Variants in OTOF observed in about 807,000 individuals in gnomAD.
OTOF encodes the protein otoferlin, also known as fer-1-like family member 2.
A neutral mutation model predicts 236.8 loss-of-function variants in OTOF; 218 were observed. The ratio of observed to expected loss-of-function variants is 0.92; its 90% CI spans 0.82 to 1.03. The LOEUF is 1.03. Among genes scored for constraint, OTOF ranks in the 50% least tolerant of loss-of-function variants. The pLI, the probability that OTOF is intolerant of heterozygous loss-of-function variation, is 0.00. For missense variants in OTOF, 2,590 were observed against 2,694.4 expected, an observed-to-expected ratio of 0.96 and a Z score of 0.86; for synonymous variants, 1,041 against 1,072.5, an observed-to-expected ratio of 0.97 and a Z score of 0.57.
chr2:26,539,117 GTAC>G (rs1164496651), intron 1 of OTOF, among the ~76,000 whole-genome samples: 1 of 151,940 alleles, frequency 6.6e-6, no homozygotes, highest in Non-Finnish European at 1.5e-5. Flanking sequence ...CAGGCCTCCA[GTAC>G]AACACCATTC....
At position 26,477,591 on chromosome 2, in the gene OTOF, G is replaced by A. The variant is rs1354349986; in HGVS notation, c.2315+58C>T. On this transcript the variant is annotated intron_variant, in intron 19 of 46. Coordinates refer to ENST00000272371, the MANE Select transcript of OTOF (RefSeq NM_194248.3). This position sits in a 1 kb window ranked among gnomAD's most constrained non-coding sequence, Gnocchi z 4.7. ...TCCTCATCTGCCCAGCCCTGGCAGG[G>A]TCCCCTTTGTCCAGTTCCGCCTCAT... The A allele has an allele frequency of 1.2e-6, 2 of 1,604,068 alleles. No homozygotes were observed. Among genetic ancestry groups the A allele is most frequent in the Admixed American group, 3.4e-5 (2 of 59,302 alleles).
At chr2:26,478,365 G>A (rs1342114686) in intron 18 of OTOF, among the ~76,000 whole-genome samples, 1 of 152,214 alleles carries the variant, frequency 6.6e-6, no homozygotes, top group African/African-American at 2.4e-5. Context: ...ATTGGCAGGG[G>A]GCTGGGAGCA....
intron 1 of OTOF, among the ~76,000 whole-genome samples, chr2:26,552,984 A>T (rs1667500611): frequency 6.6e-6 from 1 of 152,334 alleles, no homozygotes; most frequent in African/African-American, 2.4e-5. Context: ...TGCACTGGGT[A>T]TTCTGCCTCC....
chr2:26,540,525 A>G (rs1181228298), intron 1 of OTOF, among the ~76,000 whole-genome samples: 1 of 152,144 alleles, frequency 6.6e-6, no homozygotes, highest in Non-Finnish European at 1.5e-5. Context: ...TCCCTCCGGG[A>G]ACTGACCTCT....
intron 24 of OTOF, 92 bp downstream of exon 24, chr2:26,475,822 G>T: frequency 6.7e-7 from 1 of 1,497,184 alleles, no homozygotes; most frequent in Non-Finnish European, 9.0e-7. Flanking sequence ...AGGCCCCACA[G>T]GCTCACAGGC....
At chr2:26,463,388 T>C (rs1020264943) in intron 41 of OTOF, 95 bp downstream of exon 41, 8 of 1,059,088 alleles carry the variant, frequency 7.6e-6, no homozygotes, top group Non-Finnish European at 1.1e-5. Flanking sequence ...GCCAAGGCCA[T>C]CTGGACCTGA....
intron 1 of OTOF, among the ~76,000 whole-genome samples, chr2:26,554,248 G>A (rs1252115978): frequency 1.3e-5 from 2 of 151,988 alleles, no homozygotes; most frequent in South Asian, 4.2e-4. Context: ...GATGGAAGGA[G>A]TAAGAGCCAA....
At chr2:26,523,533 T>C (rs1558514039) in intron 3 of OTOF, among the ~76,000 whole-genome samples, 2 of 152,158 alleles carry the variant, frequency 1.3e-5, no homozygotes, top group Non-Finnish European at 2.9e-5. Flanking sequence ...TTAGCTCAAT[T>C]TCCCCAAATG....
chr2:26,471,101 T>C lies in OTOF; in HGVS notation c.3894+20A>G. On this transcript the variant is annotated intron_variant, in intron 31 of 46. Transcript: ENST00000272371. ...AAGGACCCTCTCACCCCAGAGCCCCTGCATGGCCCCCACACTCACCACATC... is the reference window on the plus strand; with the variant it reads ...AAGGACCCTCTCACCCCAGAGCCCCCGCATGGCCCCCACACTCACCACATC... 2 of 1,613,868 alleles carry C rather than the reference T, an allele frequency of 1.2e-6. No homozygotes were observed. Among genetic ancestry groups the C allele is most frequent in the Non-Finnish European group, 1.7e-6 (2 of 1,179,840 alleles).
At position 26,461,080 on chromosome 2, in the gene OTOF, G is replaced by A. The variant is rs765343285; in HGVS notation, c.5534-50C>T. On this transcript the variant is annotated intron_variant, in intron 43 of 46. Coordinates refer to ENST00000272371, the MANE Select transcript of OTOF (RefSeq NM_194248.3). The surrounding 1 kb of genome is among the most constrained non-coding windows in gnomAD (Gnocchi z 6.2). ...AGAGTGAACAGGGCTGGGGTGGGGC[G>A]GGGTGGGGGTGGGGGTCTGGGCTCC... is the stretch of plus-strand genomic sequence containing the variant. 71 of 1,145,612 alleles carry A rather than the reference G, an allele frequency of 6.2e-5. No homozygotes were observed. Among genetic ancestry groups the A allele is most frequent in the Admixed American group, 3.8e-4 (20 of 52,088 alleles). The allele number at this position is 1,145,612 out of a possible 1,614,324, so 71.0% of individuals were successfully genotyped here.
intron 1 of OTOF, among the ~76,000 whole-genome samples, chr2:26,542,602 G>A (rs1012305184): frequency 1.3e-5 from 2 of 152,234 alleles, no homozygotes; most frequent in Admixed American, 6.5e-5. Flanking sequence ...GAGAGACTGG[G>A]AAGCAAGGAG....
intron 1 of OTOF, among the ~76,000 whole-genome samples, chr2:26,541,010 A>G (rs754925785): frequency 6.6e-6 from 1 of 152,236 alleles, no homozygotes; most frequent in African/African-American, 2.4e-5. Context: ...ATTGAGAATC[A>G]GCTGAGCATG....
chr2:26,540,444 G>A (rs957948866), intron 1 of OTOF, among the ~76,000 whole-genome samples: 1 of 152,200 alleles, frequency 6.6e-6, no homozygotes, highest in African/African-American at 2.4e-5. Flanking sequence ...AGGGGTCAGA[G>A]CTCCTCTGAA....
chr2:26,511,651 A>G (rs1390381543), intron 5 of OTOF, among the ~76,000 whole-genome samples: 3 of 152,154 alleles, frequency 2.0e-5, no homozygotes, highest in Non-Finnish European at 2.9e-5. Context: ...CTGTAATTCA[A>G]AGGTGTTAAC....
chr2:26,467,240 C>T lies in OTOF; in HGVS notation c.4228-7G>A. On this transcript the variant is annotated splice_region_variant and splice_polypyrimidine_tract_variant and intron_variant, in intron 34 of 46. Coordinates refer to ENST00000272371, the MANE Select transcript of OTOF (RefSeq NM_194248.3). ...CCAGCTCTTTGGGGTATACCTGAGA[C>T]AGACCAGGCTGTTAGGGGGCGGCTG... 1 of 1,614,120 alleles carries T rather than the reference C, an allele frequency of 6.2e-7. No homozygotes were observed. Among genetic ancestry groups the T allele is most frequent in the Non-Finnish European group, 8.5e-7 (1 of 1,180,022 alleles).
chr2:26,478,487 C>T (rs1364800052), intron 18 of OTOF, among the ~76,000 whole-genome samples: 5 of 152,038 alleles, frequency 3.3e-5, no homozygotes, highest in East Asian at 1.9e-4. Flanking sequence ...CAGGGAAGGG[C>T]GGGATTATCT....
intron 14 of OTOF, among the ~76,000 whole-genome samples, chr2:26,481,885 G>C (rs1572437401): frequency 2.0e-5 from 3 of 152,106 alleles, no homozygotes; most frequent in East Asian, 3.9e-4. Flanking sequence ...TTGACCATTT[G>C]GTAGCACATC....
chr2:26,480,739 G>A, intron 15 of OTOF, 47 bp downstream of exon 15: 1 of 1,503,426 alleles, frequency 6.7e-7, no homozygotes, highest in Non-Finnish European at 9.2e-7. Flanking sequence ...GGGAGAAGGG[G>A]GCTGAGCTGG....
At chr2:26,525,594 A>G (rs1408468440) in intron 3 of OTOF, among the ~76,000 whole-genome samples, 3 of 152,220 alleles carry the variant, frequency 2.0e-5, no homozygotes, top group Non-Finnish European at 2.9e-5. Context: ...TGACTAGCAT[A>G]GTGTCTGACT....
Sources: allele counts gnomAD v4.1 joint callset (sites outside exome capture counted in the v4.1 genomes callset), GRCh38; gene constraint gnomAD v4.1.1; non-coding constraint Gnocchi (gnomAD v3.1); transcripts MANE v1.5; gene names NCBI Gene and HGNC (gene_info 2026-07-23, HGNC 2026-07-21).